The following LIMD1 variants were observed in gnomAD, a reference collection of about 807,000 sequenced individuals.
The protein encoded by LIMD1 is LIM domain containing 1.
LIMD1 carries 23 observed loss-of-function variants against 58.4 expected under a neutral mutation model. The ratio of observed to expected loss-of-function variants is 0.39; its 90% CI spans 0.28 to 0.56. The LOEUF (loss-of-function observed/expected upper bound fraction) is 0.56. Ranked by LOEUF, LIMD1 falls within the 20% of genes least tolerant of loss-of-function variation. LIMD1 has a pLI of 0.57. For synonymous variants in LIMD1, 334 were observed against 345.5 expected, an observed-to-expected ratio of 0.97 and a Z score of 0.37; for missense variants, 838 against 855.5, an observed-to-expected ratio of 0.98 and a Z score of 0.25.
At chr3:45,629,426 A>G (rs200108608) in intron 1 of LIMD1, among the ~76,000 whole-genome samples, 13 of 148,248 alleles carry the variant, frequency 8.8e-5, no homozygotes, top group Non-Finnish European at 1.0e-4. Flanking sequence ...AAAAAAAAAA[A>G]AAAAGAAAAG....
intron 2 of LIMD1, among the ~76,000 whole-genome samples, chr3:45,665,055 T>G (rs1467748378): frequency 6.6e-6 from 1 of 152,096 alleles, no homozygotes; most frequent in East Asian, 1.9e-4. Flanking sequence ...AAGCAAGAGT[T>G]CCATCCAAGG....
At chr3:45,604,715 C>A (rs3774682) in intron 1 of LIMD1, among the ~76,000 whole-genome samples, 1 of 152,176 alleles carries the variant, frequency 6.6e-6, no homozygotes. Flanking sequence ...GCCAATGCCA[C>A]CAATCCCTTC....
intron 1 of LIMD1, among the ~76,000 whole-genome samples, chr3:45,618,460 G>A (rs978906885): frequency 1.3e-5 from 2 of 152,112 alleles, no homozygotes; most frequent in Admixed American, 6.5e-5. Flanking sequence ...AGCTCAGTCC[G>A]GAGAGTCTGG....
rs1697753846 is a variant in LIMD1, at chr3:45,682,175, TC to T, written c.*5117del. ...TACACCAGAATAAAAGTTTTTTTTT[TC>T]TTTTTAAGTGATGAGAGAATGGCTA... On this transcript the variant is annotated 3_prime_UTR_variant, in exon 8 of 8. Transcript: ENST00000273317. 2 of 152,196 alleles carry T rather than the reference TC, an allele frequency of 1.3e-5. No homozygotes were observed. 9.4% of individuals were successfully genotyped at this position (152,196 alleles called of 1,614,324 possible).
At chr3:45,641,016 G>A (rs924056530) in intron 2 of LIMD1, among the ~76,000 whole-genome samples, 2 of 152,100 alleles carry the variant, frequency 1.3e-5, no homozygotes, top group African/African-American at 4.8e-5. Context: ...TTACCAGATT[G>A]CTGCCCTTTA....
At chr3:45,669,962 C>T (rs1697568579) in intron 4 of LIMD1, among the ~76,000 whole-genome samples, 1 of 152,178 alleles carries the variant, frequency 6.6e-6, no homozygotes, top group South Asian at 2.1e-4. Flanking sequence ...ACCCACAGCC[C>T]TCCCCATTCG....
rs1401641472 is a variant in LIMD1, at chr3:45,671,542, G to T, written c.1642-1148G>T. Among the ~76,000 whole-genome samples, 3 of 152,184 alleles carry T rather than the reference G, an allele frequency of 2.0e-5. No homozygotes were observed. The East Asian group carries it at 5.8e-4, about 29-fold the overall frequency. On this transcript the variant is annotated intron_variant, in intron 4 of 7. Transcript: ENST00000273317. ...AGTTGTTTTTGCTAAGTTTCATGAT[G>T]CAGGTAATTGCAGAAATGAATCTCC...
chr3:45,642,094 G>C (rs1412065718), intron 2 of LIMD1, among the ~76,000 whole-genome samples: 1 of 152,186 alleles, frequency 6.6e-6, no homozygotes, highest in African/African-American at 2.4e-5. Context: ...CACCATGGCA[G>C]GTTCCCTTAC....
intron 1 of LIMD1, among the ~76,000 whole-genome samples, chr3:45,634,319 G>A (rs1701765711): frequency 6.6e-6 from 1 of 152,138 alleles, no homozygotes; most frequent in Non-Finnish European, 1.5e-5. Flanking sequence ...ACTGTAATGG[G>A]GGAGTTCTTT....
rs528840444 is a variant in LIMD1, at chr3:45,599,482, C to G, written c.1408+3195C>G. Among the ~76,000 whole-genome samples the G allele has an allele frequency of 5.3e-5, 8 of 152,236 alleles. No homozygotes were observed. In the East Asian group the frequency reaches 1.4e-3, roughly 26 times the overall value. On this transcript the variant is annotated intron_variant, in intron 1 of 7. Coordinates refer to ENST00000273317, the MANE Select transcript of LIMD1 (RefSeq NM_014240.3). ...ATAAGCAAGCACGCACAGTGAAAAT[C>G]GAGCCTCTTTCCCTGGTCTGTCTAG...
Position 45,600,526 on chromosome 3 carries a change from C to T in LIMD1, c.1408+4239C>T, listed in dbSNP as rs538686534. Among the ~76,000 whole-genome samples, 4 of 152,264 alleles carry T rather than the reference C, an allele frequency of 2.6e-5. No individual in the cohort carries two copies. In the East Asian group the frequency reaches 7.7e-4, roughly 29 times the overall value. On this transcript the variant is annotated intron_variant, in intron 1 of 7. Coordinates refer to ENST00000273317, the MANE Select transcript of LIMD1 (RefSeq NM_014240.3). ...GGGCCTACTTCCTCCTCCAGCCATC[C>T]TCCCCACCCCCTGTCCCCGTTGCCT...
chr3:45,618,621 C>G (rs1197195089), intron 1 of LIMD1, among the ~76,000 whole-genome samples: 1 of 152,148 alleles, frequency 6.6e-6, no homozygotes, highest in Non-Finnish European at 1.5e-5. Context: ...AGGAAATGAA[C>G]TTTTATGGGG....
chr3:45,596,055 G>T lies in LIMD1; in HGVS notation c.1176G>T (p.Val392=), dbSNP rs368085924. 6.1e-4 allele frequency: 983 copies of T among 1,614,210 alleles called. 9 individuals are homozygous for T. The South Asian group carries it at 0.01, about 17-fold the overall frequency. ...KLSPTSLVHP[V]MSTLPELSCK... is the part of the protein sequence containing the mutation. ...GCCCCACCAGTCTTGTCCATCCAGT[G>T]ATGTCCACCCTGCCTGAGTTATCTT... The change falls in exon 1 of 8, where the codon GTG becomes GTT. Residue 392 remains valine, a synonymous_variant. Coordinates refer to ENST00000273317, the MANE Select transcript of LIMD1 (RefSeq NM_014240.3).
intron 2 of LIMD1, among the ~76,000 whole-genome samples, chr3:45,648,523 T>C (rs542877111): frequency 2.2e-4 from 33 of 152,368 alleles, no homozygotes; most frequent in Middle Eastern, 6.8e-3. Context: ...TTGGCTATTA[T>C]AAATAATGTT....
chr3:45,594,963 C>T lies in LIMD1; in HGVS notation c.84C>T (p.Leu28=), dbSNP rs754044982. The change falls in exon 1 of 8, where the codon CTC becomes CTT. Residue 28 remains leucine (L), a synonymous_variant. Transcript: ENST00000273317. The part of the protein sequence containing the change: ...LNMYEASKDG[L]FRVDKGAGNN... ...TGTATGAGGCCTCTAAGGATGGGCT[C>T]TTCCGAGTGGACAAGGGTGCAGGCA... The T allele has an allele frequency of 2.5e-6, 4 of 1,613,898 alleles. No individual in the cohort carries two copies. The highest frequency in any genetic ancestry group is 3.4e-6 in the Non-Finnish European group (4 of 1,180,032).
chr3:45,634,873 A>G (rs1185840457), intron 1 of LIMD1: 1 of 152,218 alleles, frequency 6.6e-6, no homozygotes, highest in African/African-American at 2.4e-5. Flanking sequence ...CAGAGAGCTG[A>G]TCACCATTAA....
chr3:45,601,636 T>C (rs896280257), intron 1 of LIMD1, among the ~76,000 whole-genome samples: 22 of 152,344 alleles, frequency 1.4e-4, no homozygotes, highest in African/African-American at 4.8e-4. Flanking sequence ...GTGGGCCTTG[T>C]TGGCATTTAA....
At position 45,674,423 on chromosome 3, in the gene LIMD1, C is replaced by T. The variant is rs1697639130; in HGVS notation, c.1893+12C>T. On this transcript the variant is annotated intron_variant, in intron 7 of 7. Coordinates refer to ENST00000273317, the MANE Select transcript of LIMD1 (RefSeq NM_014240.3). ...GTTACCACTGCGAGGTAGACCCCTC[C>T]CCACCCAGCCCCCAAAGCCCATTGT... is the stretch of plus-strand genomic sequence containing the variant. 1 of 1,604,480 alleles carries T rather than the reference C, an allele frequency of 6.2e-7. No individual in the cohort carries two copies. Among genetic ancestry groups the T allele is most frequent in the Non-Finnish European group, 8.5e-7 (1 of 1,171,600 alleles).
chr3:45,601,981 C>T (rs755566766), intron 1 of LIMD1, among the ~76,000 whole-genome samples: 5 of 149,706 alleles, frequency 3.3e-5, no homozygotes, highest in South Asian at 2.1e-4. Context: ...CTCGCTCTGT[C>T]GCCCAGGATG....
Sources: gnomAD v4.1 joint callset for allele counts (sites outside exome capture counted in the v4.1 genomes callset) on GRCh38, gnomAD v4.1.1 for gene constraint, MANE v1.5 for transcripts, NCBI Gene and HGNC (gene_info 2026-07-23, HGNC 2026-07-21) for gene names.